ZNF254: variants seen among roughly 807,000 people sequenced by gnomAD.
ZNF254 encodes the protein CTD-2017D11.1.
ZNF254 carries 10 observed loss-of-function variants against 12.4 expected under a neutral mutation model. The observed-to-expected ratio is 0.80, with a 90% CI of 0.50 to 1.36. The LOEUF (loss-of-function observed/expected upper bound fraction) is 1.36. Among genes scored for constraint, ZNF254 ranks in the 40% most tolerant of loss-of-function variants. The pLI is 0.00. For synonymous variants in ZNF254, 305 were observed against 253.4 expected (o/e 1.20, Z -1.93); for missense variants, 996 against 763.9 (o/e 1.30, Z -3.58).
chr19:24,066,994 C>G (rs769703372), intron 2 of ZNF254: 13 of 152,096 alleles, frequency 8.5e-5, no homozygotes, highest in Non-Finnish European at 1.5e-4. Context: ...GTCTCTGCCC[C>G]CAGGAAGAAT....
intron 1 of ZNF254, among the ~76,000 whole-genome samples, chr19:24,101,683 C>A (rs563218159): frequency 6.6e-6 from 1 of 152,322 alleles, no homozygotes; most frequent in South Asian, 2.1e-4. Context: ...AGGGTACTTC[C>A]ATTTTCTATT....
chr19:24,123,589 GAC>G (rs537202177), intron 3 of ZNF254, among the ~76,000 whole-genome samples: 8 of 151,114 alleles, frequency 5.3e-5, no homozygotes, highest in South Asian at 2.1e-4. Context: ...CCTAATGTGA[GAC>G]ACACACACAC....
At chr19:24,045,604 G>C (rs56274350) in intron 1 of ZNF254, among the ~76,000 whole-genome samples, 23,976 of 149,288 alleles carry the variant, frequency 0.16, 2,080 homozygotes, top group Middle Eastern at 0.23. Flanking sequence ...GGACGCGGAG[G>C]TTGCAGTGAG....
At chr19:24,052,871 C>T (rs1013659849) in intron 2 of ZNF254, among the ~76,000 whole-genome samples, 2 of 152,168 alleles carry the variant, frequency 1.3e-5, no homozygotes, top group African/African-American at 4.8e-5. Context: ...TACACTAGTT[C>T]TCATAGCCAG....
chr19:24,116,865 G>T (rs1490105125), intron 3 of ZNF254, among the ~76,000 whole-genome samples: 6 of 152,072 alleles, frequency 3.9e-5, no homozygotes, highest in Non-Finnish European at 8.8e-5. Context: ...TGTACAGATG[G>T]GTTTTTGGTG....
At chr19:24,060,596 A>T (rs1248404604) in intron 2 of ZNF254, among the ~76,000 whole-genome samples, 3 of 151,714 alleles carry the variant, frequency 2.0e-5, no homozygotes, top group South Asian at 4.2e-4. Context: ...AGATGTTATG[A>T]CTCTCCCGCC....
At chr19:24,051,981 T>A (rs979741618) in intron 2 of ZNF254, among the ~76,000 whole-genome samples, 7 of 152,184 alleles carry the variant, frequency 4.6e-5, no homozygotes, top group African/African-American at 1.4e-4. Context: ...GATGTGACTC[T>A]CTTGGATGGG....
intron 1 of ZNF254, among the ~76,000 whole-genome samples, chr19:24,037,061 A>G (rs535911346): frequency 6.6e-6 from 1 of 152,284 alleles, no homozygotes; most frequent in East Asian, 1.9e-4. Context: ...TGGACTACCA[A>G]TCATAATCTC....
intron 2 of ZNF254, among the ~76,000 whole-genome samples, chr19:24,049,210 A>ATTTTTTTTTT (rs1256957447): frequency 2.4e-4 from 11 of 46,206 alleles, no homozygotes; most frequent in African/African-American, 1.1e-3. Context: ...ATATATATAT[A>ATTTTTTTTTT]TATATTTTTT....
chr19:24,053,567 G>A (rs897580872), intron 2 of ZNF254, among the ~76,000 whole-genome samples: 2 of 152,064 alleles, frequency 1.3e-5, no homozygotes, highest in African/African-American at 4.8e-5. Flanking sequence ...CTAGTGCCCA[G>A]GTGATATGAC....
rs1016261741 is a variant in ZNF254 at position 24,105,786 on chromosome 19, A to C, written c.31-154A>C. ...TCTCAGAGTTAGAGAATACATTAGA[A>C]AATGTTCATGTGTTGACAATTATTT... is the stretch of plus-strand genomic sequence containing the variant. On this transcript the variant is annotated intron_variant, in intron 1 of 3. Coordinates refer to ENST00000357002, the MANE Select transcript of ZNF254 (RefSeq NM_203282.4). The C allele has an allele frequency of 2.8e-5, 35 of 1,262,904 alleles. 1 individual carries two copies. The South Asian group carries it at 4.8e-4, about 17-fold the overall frequency. 78.2% of individuals were successfully genotyped at this position (1,262,904 alleles called of 1,614,324 possible).
chr19:24,119,118 CA>C (rs911666067), intron 3 of ZNF254, among the ~76,000 whole-genome samples: 5 of 151,268 alleles, frequency 3.3e-5, no homozygotes, highest in African/African-American at 4.9e-5. Flanking sequence ...ACTTCAAAAA[CA>C]AAAAAAGTTA....
At position 24,118,881 on chromosome 19, in the gene ZNF254, T is replaced by G. The variant is rs139416298; in HGVS notation, c.254-7373T>G. Among the ~76,000 whole-genome samples, 1,039 of 151,892 alleles carry G rather than the reference T, an allele frequency of 6.8e-3. 17 individuals are homozygous for G. Among genetic ancestry groups the G allele is most frequent in the Middle Eastern group, 0.01 (3 of 294 alleles). On this transcript the variant is annotated intron_variant, in intron 3 of 3. Transcript: ENST00000357002. The stretch of plus-strand genomic sequence containing the variant: ...AATCCTAGCACTTTGGGGGGCTGAG[T>G]GGGGTGGATCATGAGGTCAGAAGTT...
chr19:24,057,896 A>T (rs1970920874), intron 2 of ZNF254, among the ~76,000 whole-genome samples: 1 of 152,216 alleles, frequency 6.6e-6, no homozygotes. Flanking sequence ...GGGTATATAC[A>T]GGATTGTTAG....
At chr19:24,072,374 G>C (rs936247380) in intron 2 of ZNF254, among the ~76,000 whole-genome samples, 4 of 152,038 alleles carry the variant, frequency 2.6e-5, no homozygotes, top group Admixed American at 6.6e-5. Context: ...GTTTCGCCAT[G>C]TTGGCCAGGC....
chr19:24,113,314 A>G (rs929629333), intron 3 of ZNF254, among the ~76,000 whole-genome samples: 21 of 152,218 alleles, frequency 1.4e-4, no homozygotes, highest in Non-Finnish European at 3.1e-4. Flanking sequence ...CCAGCAGCAC[A>G]TCAAAAAGCT....
At chr19:24,090,590 C>T (rs545004254) in intron 1 of ZNF254, among the ~76,000 whole-genome samples, 1 of 152,182 alleles carries the variant, frequency 6.6e-6, no homozygotes, top group East Asian at 1.9e-4. Context: ...GTGTGCACCA[C>T]CACACTCAGC....
Position 24,128,018 on chromosome 19 carries a change from A to G in ZNF254, c.*38A>G, listed in dbSNP as rs1439898791. 10 of 1,504,738 alleles carry G rather than the reference A, an allele frequency of 6.6e-6. No homozygotes were observed. Among genetic ancestry groups the G allele is most frequent in the Non-Finnish European group, 8.8e-6 (10 of 1,132,952 alleles). 93.2% of individuals were successfully genotyped at this position (1,504,738 alleles called of 1,614,324 possible). On this transcript the variant is annotated 3_prime_UTR_variant, in exon 4 of 4. Transcript: ENST00000357002. ...AGCCTAAGAAAACCCTCAATTCTTAATAGATATAAGATTATTCCTACTGGA... is the reference window on the plus strand; with the variant it reads ...AGCCTAAGAAAACCCTCAATTCTTAGTAGATATAAGATTATTCCTACTGGA...
intron 2 of ZNF254, among the ~76,000 whole-genome samples, chr19:24,059,153 G>A (rs1250287172): frequency 6.6e-6 from 1 of 152,196 alleles, no homozygotes; most frequent in African/African-American, 2.4e-5. Context: ...AAGGTGATGT[G>A]TGTCTCCAGC....
Sources: gnomAD v4.1 joint callset for allele counts (sites outside exome capture counted in the v4.1 genomes callset) on GRCh38, gnomAD v4.1.1 for gene constraint, MANE v1.5 for transcripts, NCBI Gene and HGNC (gene_info 2026-07-23, HGNC 2026-07-21) for gene names.